Variants in BDH1 observed in about 807,000 individuals in gnomAD.
BDH1 encodes the protein D-beta-hydroxybutyrate dehydrogenase, mitochondrial.
A neutral mutation model predicts 33.1 loss-of-function variants in BDH1; 30 were observed. The observed-to-expected ratio is 0.91, with a 90% CI of 0.68 to 1.23. The LOEUF is 1.23. BDH1 is among the 50% of genes most tolerant of loss of function. BDH1 has a pLI of 0.00. For synonymous variants in BDH1, 190 were observed against 183.6 expected, an observed-to-expected ratio of 1.03 and a Z score of -0.28; for missense variants, 443 against 464.4, an observed-to-expected ratio of 0.95 and a Z score of 0.42.
rs1343764741 is a variant in BDH1, at chr3:197,510,707, G to T, written c.*1188C>A. 3 of 123,256 alleles carry T rather than the reference G, an allele frequency of 2.4e-5. No individual in the cohort carries two copies. Among genetic ancestry groups the T allele is most frequent in the Admixed American group, 8.2e-5 (1 of 12,140 alleles). The allele number at this position is 123,256 out of a possible 1,614,324, so 7.6% of individuals were successfully genotyped here. A position where few individuals can be genotyped will look rare whatever the true frequency, so the allele number is the denominator to read the frequency against. On this transcript the variant is annotated 3_prime_UTR_variant, in exon 8 of 8. Coordinates refer to ENST00000392379, the MANE Select transcript of BDH1 (RefSeq NM_203314.3). ...AAGGTGTGTGTGTGTGTGTGTGTGT[G>T]TGTGTGTGTGTACATGTGTGTAAGC...
intron 3 of BDH1, among the ~76,000 whole-genome samples, chr3:197,544,207 C>G (rs960240058): frequency 6.6e-6 from 1 of 152,168 alleles, no homozygotes; most frequent in Non-Finnish European, 1.5e-5. Context: ...CTGGGTCCCC[C>G]TCCACGCTGC....
chr3:197,557,378 G>A (rs1453254291), upstream of BDH1, among the ~76,000 whole-genome samples: 2 of 152,232 alleles, frequency 1.3e-5, no homozygotes, highest in Non-Finnish European at 2.9e-5. This position sits in a 1 kb window ranked among gnomAD's most constrained non-coding sequence, Gnocchi z 4.6. Flanking sequence ...ATAGAATGAA[G>A]AGAATGAATG....
rs1712042846 is a variant in BDH1, at chr3:197,511,763, G to A, written c.*132C>T. 2.2e-6 allele frequency: 2 copies of A among 906,062 alleles called. No homozygotes were observed. The highest frequency in any genetic ancestry group is 3.3e-6 in the Non-Finnish European group (2 of 607,938). The allele number at this position is 906,062 out of a possible 1,614,324, so 56.1% of individuals were successfully genotyped here. ...AAAGAAGTCATTCCCTCTAGTTAGT[G>A]TTAAAACCAGTTATGGGTCTTCCTG... On this transcript the variant is annotated 3_prime_UTR_variant, in exon 8 of 8. Transcript: ENST00000392379.
Position 197,512,121 on chromosome 3 carries a change from CGCACGACCTCAG to C in BDH1, c.794_805del (p.Pro265_Val268del). Reference sequence around the variant, plus strand: ...AAAGTACTTCTTGCCGTAGTCCTTGCGCACGACCTCAGGCAGCTCCTCCCACATCTTCTTGGC... The same window carrying C: ...AAAGTACTTCTTGCCGTAGTCCTTGCGCAGCTCCTCCCACATCTTCTTGGC... On this transcript the variant is annotated inframe_deletion, in exon 8 of 8. Coordinates refer to ENST00000392379, the MANE Select transcript of BDH1 (RefSeq NM_203314.3). 6.2e-7 allele frequency: 1 copy of C among 1,614,196 alleles called. No homozygotes were observed.
At chr3:197,564,558 C>T (rs924960497) in intron 1 of BDH1, among the ~76,000 whole-genome samples, 1 of 151,928 alleles carries the variant, frequency 6.6e-6, no homozygotes, top group African/African-American at 2.4e-5. Context: ...TCTTTAGTCT[C>T]GGTAGAAAAT....
At chr3:197,543,894 A>C (rs1049586925) in intron 3 of BDH1, among the ~76,000 whole-genome samples, 6 of 152,206 alleles carry the variant, frequency 3.9e-5, no homozygotes, top group Non-Finnish European at 8.8e-5. Context: ...ATGCAGGGGC[A>C]GACCCAAGAA....
intron 4 of BDH1, among the ~76,000 whole-genome samples, chr3:197,532,951 C>T (rs539479652): frequency 3.6e-4 from 55 of 152,306 alleles, no homozygotes; most frequent in African/African-American, 1.2e-3. Flanking sequence ...TCTCGGCTCA[C>T]CGCAAAACCT....
chr3:197,514,342 T>A lies in BDH1; in HGVS notation c.484A>T (p.Lys162Ter). 1 of 1,613,908 alleles carries A rather than the reference T, an allele frequency of 6.2e-7. No homozygotes were observed. Among genetic ancestry groups the A allele is most frequent in the Non-Finnish European group, 8.5e-7 (1 of 1,179,912 alleles). The change falls in exon 7 of 8, where the codon AAG (lysine) becomes TAG (stop). Residue 162 changes from lysine to a stop codon, truncating the protein, a stop_gained. Coordinates refer to ENST00000392379, the MANE Select transcript of BDH1 (RefSeq NM_203314.3). LOFTEE classifies it high-confidence loss of function. The surrounding 1 kb of genome is among the most constrained non-coding windows in gnomAD (Gnocchi z 4.2). Reference sequence around the variant, plus strand: ...CAAAGGTTCACTTCTGCCACCTGCTTGTAGGTCTCCAGGCTGGTGAACTCC... The same window carrying A: ...CAAAGGTTCACTTCTGCCACCTGCTAGTAGGTCTCCAGGCTGGTGAACTCC... ...EVEFTSLETY[K>*]QVAEVNLWGT...
At chr3:197,569,782 T>C (rs1486590037) in intron 1 of BDH1, among the ~76,000 whole-genome samples, 1 of 152,212 alleles carries the variant, frequency 6.6e-6, no homozygotes, top group Non-Finnish European at 1.5e-5. Context: ...TCTTTTTCTT[T>C]ATAAATTACT....
chr3:197,548,491 T>G (rs767337051), intron 2 of BDH1, among the ~76,000 whole-genome samples: 1 of 152,248 alleles, frequency 6.6e-6, no homozygotes, highest in African/African-American at 2.4e-5. Context: ...TGCTTTCCAT[T>G]TTGTTTTCCT....
Position 197,520,748 on chromosome 3 carries a change from G to A in BDH1, c.409+1892C>T, listed in dbSNP as rs143344574. Among the ~76,000 whole-genome samples the A allele has an allele frequency of 6.6e-6, 1 of 152,328 alleles. No homozygotes were observed. The highest frequency in any genetic ancestry group is 1.9e-4 in the East Asian group (1 of 5,190). Reference sequence around the variant, plus strand: ...TAGCAGCTGCCCAGGGAAGGTGGGAGGGAGGAGAATTTACCGCCAGGGAAG... The same window carrying A: ...TAGCAGCTGCCCAGGGAAGGTGGGAAGGAGGAGAATTTACCGCCAGGGAAG... On this transcript the variant is annotated intron_variant, in intron 6 of 7. Coordinates refer to ENST00000392379, the MANE Select transcript of BDH1 (RefSeq NM_203314.3). This position sits in a 1 kb window ranked among gnomAD's most constrained non-coding sequence, Gnocchi z 6.0.
chr3:197,556,241 G>A (rs1717029843), upstream of BDH1, among the ~76,000 whole-genome samples: 1 of 152,266 alleles, frequency 6.6e-6, no homozygotes, highest in African/African-American at 2.4e-5. Flanking sequence ...GGCTGAGGCC[G>A]GAGGGTGAAG....
chr3:197,529,916 C>T (rs1256851363), intron 5 of BDH1: 7 of 152,202 alleles, frequency 4.6e-5, no homozygotes, highest in African/African-American at 1.7e-4. Flanking sequence ...TGAATGCCCA[C>T]TCTTCCCTTC....
intron 1 of BDH1, among the ~76,000 whole-genome samples, chr3:197,567,746 T>C (rs979639056): frequency 2.0e-5 from 3 of 152,000 alleles, no homozygotes; most frequent in Admixed American, 6.6e-5. Context: ...ACCTGAGATT[T>C]TGGGGGTTTA....
chr3:197,531,439 GTA>G (rs1250043563), intron 5 of BDH1, among the ~76,000 whole-genome samples: 6 of 143,636 alleles, frequency 4.2e-5, no homozygotes, highest in Admixed American at 7.0e-5. Flanking sequence ...ATATATATGT[GTA>G]TATATATATA....
chr3:197,549,608 C>G lies in BDH1; in HGVS notation c.-43-3122G>C, dbSNP rs961276597. 2.0e-5 allele frequency among the ~76,000 whole-genome samples: 3 copies of G among 152,210 alleles called. No homozygotes were observed. The East Asian group carries it at 5.8e-4, about 29-fold the overall frequency. ...GAAGCCTACATGGGCCCTTGCCACT[C>G]CCAAGTGGGAGGCAAAGGTCCTGCC... is the stretch of plus-strand genomic sequence containing the variant. On this transcript the variant is annotated intron_variant, in intron 2 of 7. Transcript: ENST00000392379.
At chr3:197,565,082 C>G (rs1367936081) in intron 1 of BDH1, among the ~76,000 whole-genome samples, 1 of 152,170 alleles carries the variant, frequency 6.6e-6, no homozygotes, top group Non-Finnish European at 1.5e-5. Context: ...GCCACCACGC[C>G]TGGCTAATTT....
At chr3:197,556,069 G>C (rs1717012730), upstream of BDH1, 1 of 152,234 alleles carries the variant, frequency 6.6e-6, no homozygotes, top group African/African-American at 2.4e-5. Context: ...CCCGGCTGGC[G>C]CTCCTCCCGC....
chr3:197,514,571 C>T lies in BDH1; in HGVS notation c.410-155G>A, dbSNP rs528374133. ...GAAACTTTCTAGAGTCACTCAGGAA[C>T]GACAGGAGGTAAAGAGGCCTAAAGT... On this transcript the variant is annotated intron_variant, in intron 6 of 7. Transcript: ENST00000392379. The surrounding 1 kb of genome is among the most constrained non-coding windows in gnomAD (Gnocchi z 4.2). Among the ~76,000 whole-genome samples the T allele has an allele frequency of 3.3e-5, 5 of 152,276 alleles. No individual in the cohort carries two copies. Among genetic ancestry groups the T allele is most frequent in the African/African-American group, 4.8e-5 (2 of 41,554 alleles).
Sources: gnomAD v4.1 joint callset for allele counts (sites outside exome capture counted in the v4.1 genomes callset) on GRCh38, gnomAD v4.1.1 for gene constraint, Gnocchi (gnomAD v3.1) non-coding constraint, MANE v1.5 for transcripts, NCBI Gene and HGNC (gene_info 2026-07-23, HGNC 2026-07-21) for gene names.